The following UBE3C variants were observed in gnomAD, a reference collection of about 807,000 sequenced individuals.
UBE3C encodes ubiquitin protein ligase E3C, also known as ubiquitin-protein ligase E3C.
Under a neutral mutation model 129.4 loss-of-function variants are expected in UBE3C, and 42 were observed. The ratio of observed to expected loss-of-function variants is 0.32; its 90% CI spans 0.25 to 0.42. UBE3C has a LOEUF of 0.42. Ranked by LOEUF, UBE3C falls within the 10% of genes least tolerant of loss-of-function variation. UBE3C has a pLI of 1.00. For synonymous variants in UBE3C, 510 were observed against 492.4 expected, an observed-to-expected ratio of 1.04 and a Z score of -0.47; for missense variants, 1,049 against 1,319.1, an observed-to-expected ratio of 0.80 and a Z score of 3.17.
At chr7:157,170,181 A>C (rs1012098002) in intron 3 of UBE3C, 123 bp from the exon 4 acceptor site, 2 of 845,378 alleles carry the variant, frequency 2.4e-6, no homozygotes. Flanking sequence ...GCAAGGACCG[A>C]TAATGGTGTT....
chr7:157,186,471 CAAATT>C (rs1393354337), intron 9 of UBE3C, among the ~76,000 whole-genome samples: 1 of 151,078 alleles, frequency 6.6e-6, no homozygotes, highest in Non-Finnish European at 1.5e-5. Flanking sequence ...ACTGTGATCT[CAAATT>C]AAAATGAAAA....
chr7:157,211,639 C>T (rs542360750), intron 13 of UBE3C, among the ~76,000 whole-genome samples: 1 of 152,146 alleles, frequency 6.6e-6, no homozygotes, highest in East Asian at 1.9e-4. Context: ...AATGGGTTAA[C>T]AAGTGGTAAC....
At chr7:157,258,620 C>T (rs559625102) in intron 22 of UBE3C, among the ~76,000 whole-genome samples, 2 of 152,076 alleles carry the variant, frequency 1.3e-5, no homozygotes, top group Non-Finnish European at 2.9e-5. Context: ...CCTCCATGCC[C>T]GGCTAATTTT....
chr7:157,150,967 C>T (rs1182703803), intron 1 of UBE3C, among the ~76,000 whole-genome samples: 1 of 152,184 alleles, frequency 6.6e-6, no homozygotes, highest in Non-Finnish European at 1.5e-5. Context: ...AGTCAGTTCT[C>T]GGCCGCTTGC....
Position 157,210,167 on chromosome 7 carries a change from T to A in UBE3C, c.1809+2232T>A, listed in dbSNP as rs60229102. ...ACTCCAGCCTGGGCGGTAGGGTGACTCTCTCTCCAAAAAAAAAGAGGGTGA... is the reference window on the plus strand; with the variant it reads ...ACTCCAGCCTGGGCGGTAGGGTGACACTCTCTCCAAAAAAAAAGAGGGTGA... On this transcript the variant is annotated intron_variant, in intron 13 of 22. Coordinates refer to ENST00000348165, the MANE Select transcript of UBE3C (RefSeq NM_014671.3). Among the ~76,000 whole-genome samples, 1,155 of 151,992 alleles carry A rather than the reference T, an allele frequency of 7.6e-3. 22 individuals are homozygous for A. The highest frequency in any genetic ancestry group is 0.026 in the African/African-American group (1,098 of 41,502).
chr7:157,195,924 G>A (rs1318667342), intron 10 of UBE3C, among the ~76,000 whole-genome samples: 1 of 152,148 alleles, frequency 6.6e-6, no homozygotes, highest in Non-Finnish European at 1.5e-5. Context: ...CATGTAAAAC[G>A]TTAATGTCCT....
At chr7:157,262,785 A>G (rs1796955368) in intron 22 of UBE3C, among the ~76,000 whole-genome samples, 1 of 152,048 alleles carries the variant, frequency 6.6e-6, no homozygotes, top group South Asian at 2.1e-4. Context: ...TATATGCTAA[A>G]CTCAACATAT....
intron 1 of UBE3C, among the ~76,000 whole-genome samples, chr7:157,140,553 T>G (rs1221823455): frequency 6.6e-6 from 1 of 152,222 alleles, no homozygotes; most frequent in African/African-American, 2.4e-5. Context: ...ATTTCTACAG[T>G]TAGGAGAGAC....
chr7:157,255,754 A>G (rs1297765978), intron 21 of UBE3C, among the ~76,000 whole-genome samples: 1 of 152,206 alleles, frequency 6.6e-6, no homozygotes, highest in Non-Finnish European at 1.5e-5. Flanking sequence ...AACAATATAC[A>G]GCAATTATTT....
chr7:157,140,778 TGAGG>T (rs1807422402), intron 1 of UBE3C, among the ~76,000 whole-genome samples: 1 of 152,196 alleles, frequency 6.6e-6, no homozygotes, highest in Non-Finnish European at 1.5e-5. Flanking sequence ...ATCTCTGCTC[TGAGG>T]GAGTGAGATT....
At chr7:157,226,335 C>T (rs1795877931) in intron 17 of UBE3C, among the ~76,000 whole-genome samples, 1 of 152,158 alleles carries the variant, frequency 6.6e-6, no homozygotes, top group South Asian at 2.1e-4. Flanking sequence ...TGGCACGTTT[C>T]GTCGTATGTT....
chr7:157,158,703 C>G (rs1052779998), intron 1 of UBE3C, among the ~76,000 whole-genome samples: 1 of 152,224 alleles, frequency 6.6e-6, no homozygotes, highest in Non-Finnish European at 1.5e-5. Flanking sequence ...CACTGATACT[C>G]TGAACTCAGC....
Position 157,268,537 on chromosome 7 carries a change from TGGG to T in UBE3C, c.*785_*787del, listed in dbSNP as rs1251187945. The T allele has an allele frequency of 6.6e-6, 1 of 152,566 alleles. No individual in the cohort carries two copies. The highest frequency in any genetic ancestry group is 2.4e-5 in the African/African-American group (1 of 41,438). 9.5% of individuals were successfully genotyped at this position (152,566 alleles called of 1,614,324 possible). A position where few individuals can be genotyped will look rare whatever the true frequency, so the allele number is the denominator to read the frequency against. Reference sequence around the variant, plus strand: ...CTGTCACCCACTATACCCAGTTACTTGGGGGAGGACAGACACTGTGGTGTCATT... The same window carrying T: ...CTGTCACCCACTATACCCAGTTACTTGGAGGACAGACACTGTGGTGTCATT... On this transcript the variant is annotated 3_prime_UTR_variant, in exon 23 of 23. Coordinates refer to ENST00000348165, the MANE Select transcript of UBE3C (RefSeq NM_014671.3).
intron 22 of UBE3C, among the ~76,000 whole-genome samples, chr7:157,261,234 A>G (rs1796897603): frequency 7.1e-6 from 1 of 141,582 alleles, no homozygotes; most frequent in African/African-American, 2.6e-5. Context: ...TGAACCCGGA[A>G]GGTGGAGGTT....
chr7:157,201,982 AAC>A (rs1809298584), intron 11 of UBE3C, among the ~76,000 whole-genome samples, 175 bp downstream of exon 11: 1 of 152,180 alleles, frequency 6.6e-6, no homozygotes, highest in African/African-American at 2.4e-5. Flanking sequence ...GTCTAATCTT[AAC>A]AGTTACTTAT....
chr7:157,207,204 A>G (rs982976454), intron 11 of UBE3C, among the ~76,000 whole-genome samples, 194 bp from the exon 12 acceptor site: 2 of 152,108 alleles, frequency 1.3e-5, no homozygotes, highest in Non-Finnish European at 2.9e-5. Flanking sequence ...TTGGTATGCT[A>G]TTTTTTGTAT....
In UBE3C at chr7:157,181,606, A is replaced by G. The variant is rs748069637; in HGVS notation, c.705A>G (p.Lys235=). The change falls in exon 7 of 23, where the codon AAA becomes AAG. Residue 235 remains lysine (K), a synonymous_variant. Coordinates refer to ENST00000348165, the MANE Select transcript of UBE3C (RefSeq NM_014671.3). ...YSDLSRVPIA[K]ILLENVLKPL... ...ATTTATCTCGAGTTCCTATAGCAAA[A>G]ATTTTGCTAGAGAATGTTCTAAAAC... is the stretch of plus-strand genomic sequence containing the variant. 1 of 1,613,762 alleles carries G rather than the reference A, an allele frequency of 6.2e-7. No individual in the cohort carries two copies. The highest frequency in any genetic ancestry group is 1.1e-5 in the South Asian group (1 of 90,938).
At chr7:157,197,561 C>G in intron 10 of UBE3C, 1 of 1,298,332 alleles carries the variant, frequency 7.7e-7, no homozygotes, top group Non-Finnish European at 1.1e-6. Context: ...TACGACACAT[C>G]ATCTGTTCCC....
intron 22 of UBE3C, among the ~76,000 whole-genome samples, chr7:157,260,462 G>A (rs775015797): frequency 1.4e-4 from 21 of 152,194 alleles, no homozygotes; most frequent in Non-Finnish European, 2.6e-4. Context: ...CTCGAGCGCA[G>A]GGAAAGCTGG....
Sources: allele counts gnomAD v4.1 joint callset (sites outside exome capture counted in the v4.1 genomes callset), GRCh38; gene constraint gnomAD v4.1.1; transcripts MANE v1.5; gene names NCBI Gene and HGNC (gene_info 2026-07-23, HGNC 2026-07-21).